SGCZ: variants seen among roughly 807,000 people sequenced by gnomAD.
SGCZ encodes the protein zeta-sarcoglycan.
SGCZ carries 40 observed loss-of-function variants against 41.3 expected under a neutral mutation model. The ratio of observed to expected loss-of-function variants is 0.97; its 90% confidence interval spans 0.75 to 1.26. The LOEUF is 1.26. SGCZ is among the 50% of genes most tolerant of loss of function. The pLI is 0.00. For synonymous variants in SGCZ, 206 were observed against 137.5 expected (o/e 1.50, Z -3.49); for missense variants, 552 against 369.8 (o/e 1.49, Z -4.04).
intron 1 of SGCZ, among the ~76,000 whole-genome samples, chr8:14,900,003 T>A (rs1427603717): frequency 6.6e-6 from 1 of 152,118 alleles, no homozygotes; most frequent in Non-Finnish European, 1.5e-5. Flanking sequence ...ATTCTCATTC[T>A]CTGAGAGGAG....
chr8:15,131,044 C>A lies in SGCZ; in HGVS notation c.39+106541G>T, dbSNP rs150579816. On this transcript the variant is annotated intron_variant, in intron 1 of 7. Transcript: ENST00000382080. ...TTTTTTTCAAAATGCTATCTATAAG[C>A]AAGCTGAGGAAGCATCAAGATTTAC... 3.2e-3 allele frequency among the ~76,000 whole-genome samples: 494 copies of A among 152,166 alleles called. 1 individual carries two copies. Among genetic ancestry groups the A allele is most frequent in the African/African-American group, 0.011 (452 of 41,528 alleles).
intron 1 of SGCZ, among the ~76,000 whole-genome samples, chr8:14,953,206 G>T (rs1276062732): frequency 6.6e-6 from 1 of 152,112 alleles, no homozygotes; most frequent in Non-Finnish European, 1.5e-5. Flanking sequence ...GCATGGCTGG[G>T]TGACCTCAAG....
Position 14,365,233 on chromosome 8 carries a change from G to A in SGCZ, c.235-41029C>T, listed in dbSNP as rs1255747760. Among the ~76,000 whole-genome samples the A allele has an allele frequency of 2.6e-5, 4 of 151,906 alleles. No homozygotes were observed. The East Asian group carries it at 7.7e-4, about 29-fold the overall frequency. On this transcript the variant is annotated intron_variant, in intron 2 of 7. Coordinates refer to ENST00000382080, the MANE Select transcript of SGCZ (RefSeq NM_139167.4). The stretch of plus-strand genomic sequence containing the variant: ...ATACTTTATTATACATTTTAAAAAT[G>A]CATTTATTGTCTCAAAAACATACAT...
intron 1 of SGCZ, among the ~76,000 whole-genome samples, chr8:15,171,561 G>A (rs905874223): frequency 6.6e-6 from 1 of 152,114 alleles, no homozygotes; most frequent in African/African-American, 2.4e-5. Flanking sequence ...AGATCCAACT[G>A]GGTATTATGT....
At chr8:14,247,924 C>G (rs1346276) in intron 3 of SGCZ, among the ~76,000 whole-genome samples, 151,629 of 152,334 alleles carry the variant, frequency 1, 75,470 homozygotes, top group East Asian at 1. Flanking sequence ...AAGAAATGTA[C>G]AGCATATGTG....
At chr8:14,133,486 A>T (rs1215112667) in intron 5 of SGCZ, among the ~76,000 whole-genome samples, 3 of 152,148 alleles carry the variant, frequency 2.0e-5, no homozygotes, top group Non-Finnish European at 4.4e-5. Context: ...CAAGAGACAC[A>T]TACAATAATT....
intron 1 of SGCZ, among the ~76,000 whole-genome samples, chr8:15,155,850 G>C (rs777039599): frequency 1.7e-4 from 26 of 152,096 alleles, no homozygotes; most frequent in Non-Finnish European, 3.5e-4. Context: ...CTGAGCTCAG[G>C]AGCTCGAGAT....
intron 5 of SGCZ, among the ~76,000 whole-genome samples, chr8:14,119,720 T>C (rs1360357472): frequency 6.6e-6 from 1 of 152,196 alleles, no homozygotes; most frequent in East Asian, 1.9e-4. Flanking sequence ...GCTCTTATTA[T>C]TTTGAGATAC....
At chr8:15,163,155 T>C (rs922630073) in intron 1 of SGCZ, among the ~76,000 whole-genome samples, 2 of 152,224 alleles carry the variant, frequency 1.3e-5, no homozygotes, top group Non-Finnish European at 2.9e-5. Context: ...GGGGTCATCT[T>C]TGCAAAGTCA....
intron 2 of SGCZ, among the ~76,000 whole-genome samples, chr8:14,392,244 C>A (rs1804804716): frequency 6.6e-6 from 1 of 152,076 alleles, no homozygotes; most frequent in African/African-American, 2.4e-5. Flanking sequence ...ATATTAGAAC[C>A]AATTTTCTAC....
chr8:14,211,991 C>T (rs146929121), intron 4 of SGCZ, among the ~76,000 whole-genome samples: 63 of 152,280 alleles, frequency 4.1e-4, no homozygotes, highest in African/African-American at 1.4e-3. Context: ...GGAACCCCTT[C>T]TTTGAATGAT....
intron 4 of SGCZ, among the ~76,000 whole-genome samples, chr8:14,199,257 G>A (rs185446458): frequency 1.4e-4 from 21 of 152,112 alleles, no homozygotes; most frequent in African/African-American, 3.1e-4. Context: ...CTGTCATAGC[G>A]GACAGATGAA....
At chr8:14,243,978 G>T (rs1007457307) in intron 3 of SGCZ, among the ~76,000 whole-genome samples, 1 of 152,106 alleles carries the variant, frequency 6.6e-6, no homozygotes, top group African/African-American at 2.4e-5. Flanking sequence ...ACTTTTAAAA[G>T]TATAGTTTGT....
intron 1 of SGCZ, among the ~76,000 whole-genome samples, chr8:14,701,268 C>T (rs572987834): frequency 6.6e-6 from 1 of 151,908 alleles, no homozygotes; most frequent in Admixed American, 6.6e-5. Context: ...GTTTTGAACT[C>T]TTTTACCATT....
chr8:14,517,484 C>T (rs181168269), intron 2 of SGCZ, among the ~76,000 whole-genome samples: 1 of 152,050 alleles, frequency 6.6e-6, no homozygotes, highest in South Asian at 2.1e-4. Flanking sequence ...AAGGTAGAGT[C>T]ATTTTAACAA....
chr8:14,183,953 T>G (rs1804817837), intron 4 of SGCZ, among the ~76,000 whole-genome samples: 1 of 152,088 alleles, frequency 6.6e-6, no homozygotes, highest in African/African-American at 2.4e-5. Context: ...AAAGAAATAC[T>G]TATAGTTAAG....
intron 1 of SGCZ, among the ~76,000 whole-genome samples, chr8:14,757,111 C>T (rs762437700): frequency 2.6e-5 from 4 of 152,110 alleles, no homozygotes; most frequent in Admixed American, 6.5e-5. Context: ...TGCAATGGCA[C>T]GATCTCAGCC....
intron 5 of SGCZ, among the ~76,000 whole-genome samples, chr8:14,116,109 A>G (rs940115443): frequency 2.0e-5 from 3 of 152,088 alleles, no homozygotes; most frequent in Admixed American, 1.3e-4. Context: ...GAAATTGTCT[A>G]AAACAGATGG....
intron 1 of SGCZ, among the ~76,000 whole-genome samples, chr8:14,627,272 G>C (rs1370952370): frequency 6.6e-6 from 1 of 152,080 alleles, no homozygotes; most frequent in Non-Finnish European, 1.5e-5. Context: ...TCTTCTGTGG[G>C]TAAAATAACA....
Sources: allele counts gnomAD v4.1 joint callset (sites outside exome capture counted in the v4.1 genomes callset), GRCh38; gene constraint gnomAD v4.1.1; transcripts MANE v1.5; gene names NCBI Gene and HGNC (gene_info 2026-07-23, HGNC 2026-07-21).